ZBTB16: variants seen among roughly 807,000 people sequenced by gnomAD.
ZBTB16 encodes the protein zinc finger and BTB domain containing 16, also known as zinc finger and BTB domain-containing protein 16.
Under a neutral mutation model 56.8 loss-of-function variants are expected in ZBTB16, and 8 were observed. The observed-to-expected ratio is 0.14, with a 90% confidence interval of 0.08 to 0.25. ZBTB16 has a LOEUF of 0.25. Ranked by LOEUF, ZBTB16 falls within the 10% of genes least tolerant of loss-of-function variation. The pLI is 1.00. For missense variants in ZBTB16, 625 were observed against 903.0 expected (o/e 0.69, Z 3.95); for synonymous variants, 363 against 368.5 (o/e 0.98, Z 0.17).
At chr11:114,089,961 G>A (rs1328277904) in intron 2 of ZBTB16, among the ~76,000 whole-genome samples, 3 of 152,340 alleles carry the variant, frequency 2.0e-5, no homozygotes, top group Non-Finnish European at 4.4e-5. Flanking sequence ...GCAGGAAGCT[G>A]CTGATTCTGG....
chr11:114,115,966 C>T (rs2137791866), intron 2 of ZBTB16, among the ~76,000 whole-genome samples: 1 of 152,292 alleles, frequency 6.6e-6, no homozygotes, highest in South Asian at 2.1e-4. Flanking sequence ...CCCCTCCCCA[C>T]CCTGTCCATG....
Position 114,156,871 on chromosome 11 carries a change from A to G in ZBTB16, c.1366+437A>G, listed in dbSNP as rs189136695. Among the ~76,000 whole-genome samples the G allele has an allele frequency of 2.0e-4, 30 of 152,266 alleles. No individual in the cohort carries two copies. The East Asian group carries it at 4.4e-3, about 23-fold the overall frequency. On this transcript the variant is annotated intron_variant, in intron 3 of 6. Coordinates refer to ENST00000335953, the MANE Select transcript of ZBTB16 (RefSeq NM_006006.6). ...GTCTTTTGCAAGTTAATTTTATACA[A>G]TTCTATTGAGGTCGACTGTGTGGCT...
chr11:114,170,294 G>A lies in ZBTB16; in HGVS notation c.1366+13860G>A, dbSNP rs78133719. Among the ~76,000 whole-genome samples, 1,108 of 152,354 alleles carry A rather than the reference G, an allele frequency of 7.3e-3. 7 individuals are homozygous for A. The highest frequency in any genetic ancestry group is 0.025 in the African/African-American group (1,022 of 41,584). On this transcript the variant is annotated intron_variant, in intron 3 of 6. Transcript: ENST00000335953. ...AGGGCTGCCTCTGGGTGAGGCTGAG[G>A]ACAGAGTTGGCCACCCTGGAGGGCC...
chr11:114,133,639 G>A (rs964796554), intron 2 of ZBTB16, among the ~76,000 whole-genome samples: 1 of 152,122 alleles, frequency 6.6e-6, no homozygotes, highest in Non-Finnish European at 1.5e-5. Context: ...CACGCATAAG[G>A]CAGGAAAATT....
At chr11:114,096,235 A>C (rs1297292769) in intron 2 of ZBTB16, among the ~76,000 whole-genome samples, 1 of 152,120 alleles carries the variant, frequency 6.6e-6, no homozygotes, top group African/African-American at 2.4e-5. Flanking sequence ...GAGCTTCTGA[A>C]ATATGTTGCC....
chr11:114,195,670 A>G (rs1565679754), intron 4 of ZBTB16, among the ~76,000 whole-genome samples: 3 of 152,166 alleles, frequency 2.0e-5, no homozygotes, highest in Non-Finnish European at 2.9e-5. Flanking sequence ...CAGACTATCT[A>G]GATTCCAATT....
chr11:114,089,589 GC>G (rs951650946), intron 2 of ZBTB16, among the ~76,000 whole-genome samples: 2 of 152,188 alleles, frequency 1.3e-5, no homozygotes, highest in African/African-American at 4.8e-5. Flanking sequence ...TCTCCAGACT[GC>G]CTGGGAATCC....
chr11:114,220,924 G>A (rs1029866266), intron 4 of ZBTB16, among the ~76,000 whole-genome samples: 1 of 152,188 alleles, frequency 6.6e-6, no homozygotes, highest in African/African-American at 2.4e-5. Flanking sequence ...AGGACTTTCT[G>A]TCATAAAAGT....
Position 114,254,563 on chromosome 11 carries a change from G to T in ZBTB16, c.*4008G>T, listed in dbSNP as rs922891405. On this transcript the variant is annotated 3_prime_UTR_variant, in exon 7 of 7. Coordinates refer to ENST00000335953, the MANE Select transcript of ZBTB16 (RefSeq NM_006006.6). ...CGACTCTGTCCATGACGGCTGGCAG[G>T]GTCAGGGTAGTTTCTGGGCCTGCTT... 1.3e-5 allele frequency among the ~76,000 whole-genome samples: 2 copies of T among 152,174 alleles called. No individual in the cohort carries two copies. Among genetic ancestry groups the T allele is most frequent in the African/African-American group, 4.8e-5 (2 of 41,430 alleles).
intron 3 of ZBTB16, among the ~76,000 whole-genome samples, chr11:114,160,193 C>T (rs1213087951): frequency 1.3e-5 from 2 of 152,158 alleles, no homozygotes; most frequent in Non-Finnish European, 2.9e-5. Flanking sequence ...TGGCTGCGAG[C>T]CAGACTTGTG....
At chr11:114,199,243 G>A (rs923739618) in intron 4 of ZBTB16, among the ~76,000 whole-genome samples, 1 of 151,756 alleles carries the variant, frequency 6.6e-6, no homozygotes, top group African/African-American at 2.4e-5. Context: ...CTGGGCCCAG[G>A]GACGGGGATG....
chr11:114,138,002 G>A (rs1379926944), intron 2 of ZBTB16, among the ~76,000 whole-genome samples: 2 of 152,228 alleles, frequency 1.3e-5, no homozygotes, highest in Admixed American at 6.5e-5. Context: ...GGAGCAAGGC[G>A]TGGGCTGTGG....
At chr11:114,066,454 A>G (rs1939121080) in intron 2 of ZBTB16, among the ~76,000 whole-genome samples, 1 of 152,152 alleles carries the variant, frequency 6.6e-6, no homozygotes, top group African/African-American at 2.4e-5. Flanking sequence ...GACCAGATAG[A>G]TGTATCATCT....
At chr11:114,163,501 C>T (rs1384894042) in intron 3 of ZBTB16, among the ~76,000 whole-genome samples, 1 of 152,020 alleles carries the variant, frequency 6.6e-6, no homozygotes, top group Non-Finnish European at 1.5e-5. Context: ...GATGCTGGCC[C>T]CAGGGCAGAT....
At chr11:114,238,487 G>A (rs1434072495) in intron 4 of ZBTB16, among the ~76,000 whole-genome samples, 4 of 151,940 alleles carry the variant, frequency 2.6e-5, no homozygotes, top group South Asian at 2.1e-4. Context: ...GTGTCCTCAC[G>A]TGGTGGAAGG....
chr11:114,177,342 C>T (rs529378803), intron 3 of ZBTB16, among the ~76,000 whole-genome samples: 16 of 152,258 alleles, frequency 1.1e-4, no homozygotes, highest in East Asian at 5.8e-4. Flanking sequence ...CCTCTGCCTC[C>T]GGGGTTCTAG....
At chr11:114,231,667 C>G (rs1304525322) in intron 4 of ZBTB16, among the ~76,000 whole-genome samples, 1 of 152,182 alleles carries the variant, frequency 6.6e-6, no homozygotes, top group Admixed American at 6.5e-5. Flanking sequence ...ATGTTGGATC[C>G]TTTCTTTGCC....
chr11:114,129,326 G>A (rs1242878572), intron 2 of ZBTB16, among the ~76,000 whole-genome samples: 2 of 152,218 alleles, frequency 1.3e-5, no homozygotes, highest in Non-Finnish European at 1.5e-5. Flanking sequence ...GATCCGTGGC[G>A]CAGCCACCGG....
chr11:114,179,206 G>T (rs1005055530), intron 3 of ZBTB16, among the ~76,000 whole-genome samples: 22 of 152,078 alleles, frequency 1.4e-4, no homozygotes, highest in African/African-American at 5.3e-4. Context: ...CTGAATCTGT[G>T]TATCTTCCAG....
Sources: gnomAD v4.1 joint callset for allele counts (sites outside exome capture counted in the v4.1 genomes callset) on GRCh38, gnomAD v4.1.1 for gene constraint, MANE v1.5 for transcripts, NCBI Gene and HGNC (gene_info 2026-07-23, HGNC 2026-07-21) for gene names.